Variants in MSI2 observed in about 807,000 individuals in gnomAD.
MSI2 encodes RNA-binding protein Musashi homolog 2.
MSI2 carries 17 observed loss-of-function variants against 45.6 expected under a neutral mutation model. That is an observed-to-expected ratio of 0.37 (90% CI 0.26 to 0.56). MSI2 has a LOEUF of 0.56. Ranked by LOEUF, MSI2 falls within the 20% of genes least tolerant of loss-of-function variation. MSI2 has a pLI of 0.77. For missense variants in MSI2, 293 were observed against 444.2 expected, an observed-to-expected ratio of 0.66 and a Z score of 3.06; for synonymous variants, 156 against 158.2, an observed-to-expected ratio of 0.99 and a Z score of 0.11.
At chr17:57,563,684 A>ACTGTCTGTCTGT (rs369283545) in intron 7 of MSI2, among the ~76,000 whole-genome samples, 12 of 145,066 alleles carry the variant, frequency 8.3e-5, no homozygotes, top group African/African-American at 1.5e-4. Flanking sequence ...TTAGTGGCTG[A>ACTGTCTGTCTGT]CTGTCTGTCT....
Position 57,280,821 on chromosome 17 carries a change from A to G in MSI2, c.312+18629A>G, listed in dbSNP as rs7208507. Among the ~76,000 whole-genome samples the G allele has an allele frequency of 0.032, 4,877 of 151,556 alleles. 272 individuals carry two copies. The highest frequency in any genetic ancestry group is 0.11 in the African/African-American group (4,558 of 41,394). ...AAAAATAAAATAGGATGAGAAAAAAAGCTAAGCACACATAAACATTTTAAT... is the reference window on the plus strand; with the variant it reads ...AAAAATAAAATAGGATGAGAAAAAAGGCTAAGCACACATAAACATTTTAAT... On this transcript the variant is annotated intron_variant, in intron 5 of 13. Coordinates refer to ENST00000284073, the MANE Select transcript of MSI2 (RefSeq NM_138962.4). This position sits in a 1 kb window ranked among gnomAD's most constrained non-coding sequence, Gnocchi z 4.2.
chr17:57,575,550 G>T (rs1369419996), intron 7 of MSI2, among the ~76,000 whole-genome samples: 1 of 152,146 alleles, frequency 6.6e-6, no homozygotes, highest in Non-Finnish European at 1.5e-5. Context: ...CCCCGGGATT[G>T]ACTTCCTTTC....
rs187038872 is a variant in MSI2, at chr17:57,461,214, G to C, written c.405+59743G>C. Among the ~76,000 whole-genome samples the C allele has an allele frequency of 2.2e-3, 341 of 152,248 alleles. 2 individuals are homozygous for C. The highest frequency in any genetic ancestry group is 2.1e-3 in the Non-Finnish European group (146 of 68,018). On this transcript the variant is annotated intron_variant, in intron 6 of 13. Coordinates refer to ENST00000284073, the MANE Select transcript of MSI2 (RefSeq NM_138962.4). Reference sequence around the variant, plus strand: ...GCACAGATCACATGGGTGCAGTGTTGTCACCCACTCTTCTCTGGGCTCCAC... The same window carrying C: ...GCACAGATCACATGGGTGCAGTGTTCTCACCCACTCTTCTCTGGGCTCCAC...
At chr17:57,483,716 G>A (rs1721302974) in intron 6 of MSI2, among the ~76,000 whole-genome samples, 1 of 152,182 alleles carries the variant, frequency 6.6e-6, no homozygotes, top group African/African-American at 2.4e-5. Context: ...TGCAAGTGTT[G>A]GGAGAAACTA....
chr17:57,440,530 C>T (rs1451360173), intron 6 of MSI2, among the ~76,000 whole-genome samples: 1 of 149,514 alleles, frequency 6.7e-6, no homozygotes, highest in Non-Finnish European at 1.5e-5. Context: ...TAAGAGGAGG[C>T]TCATATACTG....
intron 5 of MSI2, among the ~76,000 whole-genome samples, chr17:57,336,541 T>TA (rs748114246): frequency 2.1e-4 from 32 of 152,322 alleles, no homozygotes; most frequent in Non-Finnish European, 3.5e-4. Context: ...AATCAGGAAA[T>TA]ATATACAGGT....
At chr17:57,345,359 G>A (rs1207453060) in intron 5 of MSI2, among the ~76,000 whole-genome samples, 1 of 152,106 alleles carries the variant, frequency 6.6e-6, no homozygotes, top group African/African-American at 2.4e-5. Context: ...GCCATATCTA[G>A]ATCTCTCCTT....
At chr17:57,274,652 C>T (rs555087800) in intron 5 of MSI2, among the ~76,000 whole-genome samples, 1 of 152,134 alleles carries the variant, frequency 6.6e-6, no homozygotes, top group Non-Finnish European at 1.5e-5. Flanking sequence ...TTGAGAAATA[C>T]AAAAGAAGAC....
intron 8 of MSI2, among the ~76,000 whole-genome samples, chr17:57,614,498 C>T (rs1385243751): frequency 6.6e-6 from 1 of 152,218 alleles, no homozygotes; most frequent in Non-Finnish European, 1.5e-5. Context: ...GTTCCTATAC[C>T]ATATGGCCCA....
intron 1 of MSI2, 127 bp from the exon 2 acceptor site, chr17:57,256,971 C>A: frequency 1.4e-6 from 2 of 1,477,898 alleles, no homozygotes; most frequent in Non-Finnish European, 1.8e-6. Flanking sequence ...GTCACCTTCT[C>A]CCCCACCCCA....
chr17:57,465,543 T>G (rs527528883), intron 6 of MSI2, among the ~76,000 whole-genome samples: 28 of 151,868 alleles, frequency 1.8e-4, no homozygotes, highest in African/African-American at 6.8e-4. Flanking sequence ...TGGAGTGGAG[T>G]GGAGGATGAG....
chr17:57,657,812 A>G (rs960379685), intron 11 of MSI2, among the ~76,000 whole-genome samples: 3 of 152,178 alleles, frequency 2.0e-5, no homozygotes, highest in East Asian at 1.9e-4. Flanking sequence ...CAGTTGTACC[A>G]TAAGCTTTAG....
At position 57,652,447 on chromosome 17, in the gene MSI2, C is replaced by T. The variant is rs1911230711; in HGVS notation, c.790+286C>T. Among the ~76,000 whole-genome samples the T allele has an allele frequency of 6.6e-6, 1 of 152,046 alleles. No homozygotes were observed. Among genetic ancestry groups the T allele is most frequent in the Non-Finnish European group, 1.5e-5 (1 of 67,978 alleles). On this transcript the variant is annotated intron_variant, in intron 11 of 13. Coordinates refer to ENST00000284073, the MANE Select transcript of MSI2 (RefSeq NM_138962.4). This position sits in a 1 kb window ranked among gnomAD's most constrained non-coding sequence, Gnocchi z 4.1. The stretch of plus-strand genomic sequence containing the variant: ...AACCTGAGTTTCTTTTTGACTTTGA[C>T]CATCCCGTCACCTGACAGCTAGCTT...
chr17:57,324,961 C>T lies in MSI2; in HGVS notation c.312+62769C>T, dbSNP rs540285340. 2.9e-4 allele frequency among the ~76,000 whole-genome samples: 44 copies of T among 152,292 alleles called. No individual in the cohort carries two copies. In the Middle Eastern group the frequency reaches 0.014, roughly 47 times the overall value. ...AGAGGAGGGTTGAGTTGCCACAGCT[C>T]AGAGCCCAGTGCTGCCAAAATCACC... is the stretch of plus-strand genomic sequence containing the variant. On this transcript the variant is annotated intron_variant, in intron 5 of 13. Coordinates refer to ENST00000284073, the MANE Select transcript of MSI2 (RefSeq NM_138962.4).
intron 6 of MSI2, among the ~76,000 whole-genome samples, chr17:57,454,441 T>C (rs888582871): frequency 2.7e-5 from 4 of 147,968 alleles, no homozygotes; most frequent in African/African-American, 9.9e-5. Flanking sequence ...TCTCTTTCTT[T>C]TTTTTTTTTT....
At chr17:57,631,844 G>A in intron 10 of MSI2, 1 of 1,612,996 alleles carries the variant, frequency 6.2e-7, no homozygotes, top group Non-Finnish European at 8.5e-7. Context: ...CTTAAGAGAG[G>A]CATAGCAAAG....
At chr17:57,564,068 A>C (rs1198918109) in intron 7 of MSI2, among the ~76,000 whole-genome samples, 1 of 152,198 alleles carries the variant, frequency 6.6e-6, no homozygotes, top group Non-Finnish European at 1.5e-5. Context: ...CTCTCTGTGC[A>C]GCTGATACTG....
chr17:57,482,582 A>G (rs781665235), intron 6 of MSI2, among the ~76,000 whole-genome samples: 15 of 152,280 alleles, frequency 9.9e-5, no homozygotes, highest in Non-Finnish European at 1.6e-4. Context: ...GTTGGCCGTG[A>G]CTTTGGTGAC....
chr17:57,478,735 A>G (rs1853904112), intron 6 of MSI2, among the ~76,000 whole-genome samples: 1 of 152,144 alleles, frequency 6.6e-6, no homozygotes, highest in Non-Finnish European at 1.5e-5. Context: ...TTTTAGTGCA[A>G]AGCAGCCTTG....
Sources: allele counts gnomAD v4.1 joint callset (sites outside exome capture counted in the v4.1 genomes callset), GRCh38; gene constraint gnomAD v4.1.1; non-coding constraint Gnocchi (gnomAD v3.1); transcripts MANE v1.5; gene names NCBI Gene and HGNC (gene_info 2026-07-23, HGNC 2026-07-21).